GFPT2: variants seen among roughly 807,000 people sequenced by gnomAD.
The protein encoded by GFPT2 is glutamine--fructose-6-phosphate transaminase 2.
Under a neutral mutation model 85.6 loss-of-function variants are expected in GFPT2, and 62 were observed. The ratio of observed to expected loss-of-function variants is 0.72; its 90% CI spans 0.59 to 0.90. The LOEUF (loss-of-function observed/expected upper bound fraction) is 0.90, where lower values mean the gene tolerates loss of function less well. Ranked by LOEUF, GFPT2 falls within the 40% of genes least tolerant of loss-of-function variation. GFPT2 has a pLI of 0.00. For synonymous variants in GFPT2, 368 were observed against 344.5 expected (o/e 1.07, Z -0.75); for missense variants, 788 against 893.4 (o/e 0.88, Z 1.50).
intron 4 of GFPT2, among the ~76,000 whole-genome samples, chr5:180,333,909 T>C: frequency 6.6e-6 from 1 of 152,148 alleles, no homozygotes; most frequent in Non-Finnish European, 1.5e-5. Flanking sequence ...CCAATGAGGT[T>C]CATTTTATCA....
chr5:180,313,849 G>A lies in GFPT2; in HGVS notation c.1389C>T (p.Val463=). 3 of 1,595,664 alleles carry A rather than the reference G, an allele frequency of 1.9e-6. No homozygotes were observed. Among genetic ancestry groups the A allele is most frequent in the African/African-American group, 1.3e-5 (1 of 74,822 alleles). Residue 463 remains valine (V), a synonymous_variant, in exon 14 of 19, where the codon GTC becomes GTT. Coordinates refer to ENST00000253778, the MANE Select transcript of GFPT2 (RefSeq NM_005110.4). ...CGATCTCCGGCCCTGCGTTGATGTG[G>A]ACGCCGCAGTCGGTCTCGCGAGAGA... ...SSISRETDCG[V]HINAGPEIGV... is the part of the protein sequence containing the mutation.
intron 17 of GFPT2, among the ~76,000 whole-genome samples, chr5:180,302,984 C>T (rs938774125): frequency 6.6e-6 from 1 of 151,984 alleles, no homozygotes; most frequent in South Asian, 2.1e-4. Context: ...AATCCCAACA[C>T]TTTGGGAGGC....
chr5:180,311,192 G>A (rs1405674264), intron 15 of GFPT2, among the ~76,000 whole-genome samples: 2 of 152,184 alleles, frequency 1.3e-5, no homozygotes, highest in African/African-American at 4.8e-5. Flanking sequence ...GCACTCCCCA[G>A]AAGCCCCATG....
intron 14 of GFPT2, 63 bp downstream of exon 14, chr5:180,313,744 G>A: frequency 7.0e-7 from 1 of 1,431,708 alleles, no homozygotes; most frequent in Non-Finnish European, 9.4e-7. Flanking sequence ...GGAGGAGGGC[G>A]GCCTCTGGTG....
At chr5:180,301,741 C>G in intron 18 of GFPT2, 133 bp from the exon 19 acceptor site, 1 of 728,956 alleles carries the variant, frequency 1.4e-6, no homozygotes, top group South Asian at 1.6e-5. Context: ...AGACCTGCGT[C>G]TTGGAGGCAG....
At chr5:180,314,069 G>T in intron 13 of GFPT2, 105 bp from the exon 14 acceptor site, 1 of 1,143,496 alleles carries the variant, frequency 8.7e-7, no homozygotes, top group Non-Finnish European at 1.2e-6. Flanking sequence ...CGGCGCCCGA[G>T]ACACAGCCAG....
intron 6 of GFPT2, among the ~76,000 whole-genome samples, chr5:180,329,653 G>C (rs1484089648): frequency 6.6e-6 from 1 of 152,228 alleles, no homozygotes; most frequent in African/African-American, 2.4e-5. Flanking sequence ...TTTTAAATCA[G>C]ACTCTGAAAA....
chr5:180,347,314 T>A (rs1764627955), intron 1 of GFPT2, among the ~76,000 whole-genome samples: 10 of 152,180 alleles, frequency 6.6e-5, no homozygotes. Flanking sequence ...AGAGCCCAGG[T>A]GGCTTGGAGA....
chr5:180,328,413 T>C lies in GFPT2; in HGVS notation c.535-75A>G. ...GCAGCCTGGCCACAGCCCAGGTGCG[T>C]CTCCCTGGGCCCCTCCTGATGGCGG... On this transcript the variant is annotated intron_variant, in intron 6 of 18. Coordinates refer to ENST00000253778, the MANE Select transcript of GFPT2 (RefSeq NM_005110.4). This position sits in a 1 kb window ranked among gnomAD's most constrained non-coding sequence, Gnocchi z 5.4. 1 of 1,174,946 alleles carries C rather than the reference T, an allele frequency of 8.5e-7. No homozygotes were observed. The allele number at this position is 1,174,946 out of a possible 1,614,324, so 72.8% of individuals were successfully genotyped here.
chr5:180,336,190 T>C, intron 3 of GFPT2: 1 of 562,682 alleles, frequency 1.8e-6, no homozygotes, highest in South Asian at 2.4e-5. Flanking sequence ...AAAAAGAAAA[T>C]GATATATCCC....
intron 15 of GFPT2, among the ~76,000 whole-genome samples, chr5:180,310,959 G>A (rs1356104678): frequency 6.6e-6 from 1 of 151,746 alleles, no homozygotes; most frequent in Non-Finnish European, 1.5e-5. Flanking sequence ...GAGAACCACT[G>A]ACTTAGACGT....
In GFPT2 at chr5:180,317,275, G is replaced by A. The variant is rs551309939; in HGVS notation, c.959-217C>T. ...TGGACCCTGCAGCTTGAGAAAGGGA[G>A]GGATTTGCCCAAGGCATGCAAGTAA... On this transcript the variant is annotated intron_variant, in intron 10 of 18. Transcript: ENST00000253778. 4.6e-5 allele frequency among the ~76,000 whole-genome samples: 7 copies of A among 152,308 alleles called. No individual in the cohort carries two copies. In the East Asian group the frequency reaches 1.4e-3, roughly 29 times the overall value.
intron 1 of GFPT2, among the ~76,000 whole-genome samples, chr5:180,347,244 G>C (rs1764626966): frequency 1.3e-5 from 2 of 152,220 alleles, no homozygotes; most frequent in Non-Finnish European, 1.5e-5. Context: ...CTAAAGAAAA[G>C]GAGCACTTTG....
intron 13 of GFPT2, among the ~76,000 whole-genome samples, chr5:180,315,814 T>C (rs1055557941): frequency 3.3e-5 from 5 of 152,130 alleles, no homozygotes; most frequent in Admixed American, 3.3e-4. Flanking sequence ...ATGGGGTGCA[T>C]GTAGCTTGGG....
At position 180,335,867 on chromosome 5, in the gene GFPT2, C is replaced by T. The variant is rs773988297; in HGVS notation, c.301G>A (p.Ala101Thr). The T allele has an allele frequency of 4.4e-6, 7 of 1,591,578 alleles. No individual in the cohort carries two copies. The East Asian group carries it at 6.9e-5, about 16-fold the overall frequency. Reference sequence around the variant, plus strand: ...GAGCGCTGAGGGTGGCTGTTGACAGCACTGGGGACCCCGTGGGTGGCCCAG... The same window carrying T: ...GAGCGCTGAGGGTGGCTGTTGACAGTACTGGGGACCCCGTGGGTGGCCCAG... ...TRWATHGVPS[A>T]VNSHPQRSDK... The change falls in exon 4 of 19, where the codon GCT becomes ACT. Residue 101 changes from alanine (A) to threonine (T), a missense_variant. Transcript: ENST00000253778.
At chr5:180,306,293 C>A (rs1458403716) in intron 16 of GFPT2, among the ~76,000 whole-genome samples, 1 of 152,180 alleles carries the variant, frequency 6.6e-6, no homozygotes, top group African/African-American at 2.4e-5. Flanking sequence ...CTAGCATTGT[C>A]TTTCAAATGG....
intron 2 of GFPT2, among the ~76,000 whole-genome samples, chr5:180,337,839 G>A (rs934454198): frequency 7.2e-5 from 11 of 152,130 alleles, no homozygotes; most frequent in African/African-American, 2.7e-4. Context: ...TGTGATAAGA[G>A]GACTTAGCAT....
At chr5:180,325,787 G>A (rs1467664652) in intron 7 of GFPT2, among the ~76,000 whole-genome samples, 3 of 152,228 alleles carry the variant, frequency 2.0e-5, no homozygotes, top group East Asian at 3.8e-4. Flanking sequence ...AGCACTTTGC[G>A]GGGCTGAAGC....
At chr5:180,349,205 G>A (rs1442391060) in intron 1 of GFPT2, among the ~76,000 whole-genome samples, 1 of 151,936 alleles carries the variant, frequency 6.6e-6, no homozygotes, top group African/African-American at 2.4e-5. Flanking sequence ...ACTTTGGGAG[G>A]CCGAGGTGGG....
Sources: allele counts gnomAD v4.1 joint callset (sites outside exome capture counted in the v4.1 genomes callset), GRCh38; gene constraint gnomAD v4.1.1; non-coding constraint Gnocchi (gnomAD v3.1); transcripts MANE v1.5; gene names NCBI Gene and HGNC (gene_info 2026-07-23, HGNC 2026-07-21).